The following IFT172 variants were observed in gnomAD, a reference collection of about 807,000 sequenced individuals.
IFT172 encodes the protein intraflagellar transport protein 172 homolog.
IFT172 carries 164 observed loss-of-function variants against 248.9 expected under a neutral mutation model. That is an observed-to-expected ratio of 0.66 (90% confidence interval 0.58 to 0.75). IFT172 has a LOEUF of 0.75. IFT172 is among the 30% of genes least tolerant of loss of function. IFT172 has a pLI of 0.00. For missense variants in IFT172, 1,950 were observed against 2,192.4 expected, an observed-to-expected ratio of 0.89 and a Z score of 2.21; for synonymous variants, 729 against 791.6, an observed-to-expected ratio of 0.92 and a Z score of 1.33.
intron 1 of IFT172, among the ~76,000 whole-genome samples, chr2:27,488,013 C>T (rs940128686): frequency 3.9e-5 from 6 of 152,092 alleles, no homozygotes; most frequent in African/African-American, 1.2e-4. Context: ...GACACAGCCT[C>T]ACTCTGTCAC....
At position 27,465,807 on chromosome 2, in the gene IFT172, A is replaced by G. The variant is rs1667049048; in HGVS notation, c.1768T>C (p.Tyr590His). The change falls in exon 17 of 48, where the codon TAC (tyrosine) becomes CAC (histidine). Residue 590 changes from tyrosine (Y) to histidine (H), a missense_variant. Around this residue, in one of 3 missense-constraint regions of IFT172, gnomAD observed 1,166 missense variants for 1,254.1 expected, o/e 0.93. Coordinates refer to ENST00000260570, the MANE Select transcript of IFT172 (RefSeq NM_015662.3). ...TCGATGAGGCCCTCATCCAATGTGT[A>G]GGCAACAGTAGTCACACCTTCCATC... is the stretch of plus-strand genomic sequence containing the variant. ...MVMEGVTTVA[Y>H]TLDEGLIEFG... The G allele has an allele frequency of 2.5e-6, 4 of 1,613,936 alleles. No individual in the cohort carries two copies. Among genetic ancestry groups the G allele is most frequent in the Admixed American group, 3.3e-5 (2 of 59,996 alleles).
intron 14 of IFT172, among the ~76,000 whole-genome samples, chr2:27,472,702 T>C (rs1390189867): frequency 2.0e-5 from 3 of 152,204 alleles, no homozygotes; most frequent in African/African-American, 7.2e-5. Context: ...TTGATGGTCA[T>C]ATGCTCTAAG....
rs1199924876 is a variant in IFT172 at position 27,476,983 on chromosome 2, C to T, written c.1325+234G>A. 4 of 591,276 alleles carry T rather than the reference C, an allele frequency of 6.8e-6. No individual in the cohort carries two copies. The African/African-American group carries it at 7.5e-5, about 11-fold the overall frequency. 36.6% of individuals were successfully genotyped at this position (591,276 alleles called of 1,614,324 possible). On this transcript the variant is annotated intron_variant, in intron 13 of 47. Coordinates refer to ENST00000260570, the MANE Select transcript of IFT172 (RefSeq NM_015662.3). ...GGACTACAGGGGTGTGCCACCATGC[C>T]TGGATAATTTTTTGTATTTTTAGTA...
At chr2:27,456,718 G>C (rs558208182) in intron 29 of IFT172, 65 bp from the exon 30 acceptor site, 9 of 1,566,452 alleles carry the variant, frequency 5.7e-6, no homozygotes, top group South Asian at 2.4e-5. Flanking sequence ...CTCTGACCTC[G>C]GCTTTGACAA....
At chr2:27,453,269 A>AATGATT (rs1665851731) in intron 35 of IFT172, 115 bp downstream of exon 35, 2 of 1,315,800 alleles carry the variant, frequency 1.5e-6, no homozygotes, top group Non-Finnish European at 2.2e-6. Context: ...GATTCCTGCT[A>AATGATT]CCTGATTGAA....
At chr2:27,450,291 T>C (rs557034042) in intron 35 of IFT172, among the ~76,000 whole-genome samples, 195 bp from the exon 36 acceptor site, 1 of 152,360 alleles carries the variant, frequency 6.6e-6, no homozygotes, top group African/African-American at 2.4e-5. Flanking sequence ...AGTGGACCTA[T>C]CTTTCCTCTC....
Position 27,458,180 on chromosome 2 carries a change from T to C in IFT172, c.2921A>G (p.Tyr974Cys), listed in dbSNP as rs1558374697. Reference protein sequence around the residue: ...CMRPEDVSVLYITQAQEMEKQ... With the variant: ...CMRPEDVSVLCITQAQEMEKQ... ...CTCCATTTCCTGGGCCTGAGTGATG[T>C]ATAGCACTGACACATCTTCTGGTCT... The change falls in exon 27 of 48, where the codon TAC becomes TGC. Residue 974 changes from tyrosine (Y) to cysteine (C), a missense_variant. Tyr to Cys is a radical substitution (Grantham distance 194). Around this residue, in one of 3 missense-constraint regions of IFT172, gnomAD observed 1,166 missense variants for 1,254.1 expected, o/e 0.93. Transcript: ENST00000260570. 1 of 1,614,130 alleles carries C rather than the reference T, an allele frequency of 6.2e-7. No individual in the cohort carries two copies.
rs1288986691 is a variant in IFT172 at position 27,482,799 on chromosome 2, C to G, written c.570+490G>C. On this transcript the variant is annotated intron_variant, in intron 7 of 47. Transcript: ENST00000260570. ...TTTATTTCCCTTTGTCTCAAGGTCC[C>G]TTTCACCTAATTCATCCCTTCTTAT... Among the ~76,000 whole-genome samples the G allele has an allele frequency of 3.3e-5, 5 of 151,974 alleles. No homozygotes were observed. The East Asian group carries it at 7.7e-4, about 23-fold the overall frequency.
chr2:27,473,633 C>T (rs903434611), intron 14 of IFT172, among the ~76,000 whole-genome samples: 9 of 151,544 alleles, frequency 5.9e-5, no homozygotes, highest in Non-Finnish European at 1.0e-4. Context: ...TTTAATGCCC[C>T]AATTATAAGT....
At chr2:27,461,231 C>G (rs1280976685) in intron 22 of IFT172, 38 bp downstream of exon 22, 1 of 1,612,976 alleles carries the variant, frequency 6.2e-7, no homozygotes, top group Admixed American at 1.7e-5. Flanking sequence ...GGGTCCTGAG[C>G]TCTGGAGATA....
intron 26 of IFT172, among the ~76,000 whole-genome samples, chr2:27,458,565 T>G (rs1666368728): frequency 6.6e-6 from 1 of 152,242 alleles, no homozygotes. Context: ...CAAGCCCATC[T>G]GCTCCTTCAG....
At chr2:27,456,842 C>T (rs959790802) in intron 29 of IFT172, among the ~76,000 whole-genome samples, 189 bp from the exon 30 acceptor site, 1 of 151,958 alleles carries the variant, frequency 6.6e-6, no homozygotes, top group East Asian at 1.9e-4. Flanking sequence ...GTCAGGAGTT[C>T]GAGACCAGCC....
Position 27,485,488 on chromosome 2 carries a change from C to T in IFT172, c.55G>A (p.Val19Met). Residue 19 changes from valine to methionine, a missense_variant, in exon 2 of 48, where the codon GTG becomes ATG. Val to Met is a conservative substitution (Grantham distance 21, BLOSUM62 1). Coordinates refer to ENST00000260570, the MANE Select transcript of IFT172 (RefSeq NM_015662.3). ...LLSPQDGAAK[V>M]TCMAWSQNNA... ...TTCTGGGACCAAGCCATGCAGGTCA[C>T]CTTTGCAGCTCCATCCTGTAGAGGC... 6.2e-7 allele frequency: 1 copy of T among 1,614,034 alleles called. No individual in the cohort carries two copies. The highest frequency in any genetic ancestry group is 8.5e-7 in the Non-Finnish European group (1 of 1,179,904).
chr2:27,448,005 A>G (rs1322000687), intron 40 of IFT172, 83 bp from the exon 41 acceptor site: 2 of 844,120 alleles, frequency 2.4e-6, no homozygotes, highest in Non-Finnish European at 4.1e-6. Context: ...AGGGAGGAGA[A>G]ACAGGCTTTG....
At position 27,460,967 on chromosome 2, in the gene IFT172, T is replaced by C. The variant is rs756776421; in HGVS notation, c.2521+48A>G. 7 of 1,612,068 alleles carry C rather than the reference T, an allele frequency of 4.3e-6. No homozygotes were observed. In the Admixed American group the frequency reaches 6.7e-5, roughly 15 times the overall value. ...CTACAAGAGGTGCCAGGGAACCAGA[T>C]GGGCAAGAGTCCACAACAGTAAAGG... On this transcript the variant is annotated intron_variant, in intron 23 of 47. Transcript: ENST00000260570.
intron 11 of IFT172, 40 bp from the exon 12 acceptor site, chr2:27,477,652 A>G (rs1368736719): frequency 7.5e-7 from 1 of 1,327,334 alleles, no homozygotes; most frequent in Non-Finnish European, 1.1e-6. Flanking sequence ...GTGGATAAAT[A>G]CCCAAGATAA....
At chr2:27,453,278 AAAAG>A (rs570670095) in intron 35 of IFT172, 102 bp downstream of exon 35, 35 of 1,423,280 alleles carry the variant, frequency 2.5e-5, no homozygotes, top group Non-Finnish European at 3.5e-5. Flanking sequence ...TACCTGATTG[AAAAG>A]AAAAAGACAC....
At position 27,445,867 on chromosome 2, in the gene IFT172, A is replaced by C. The variant is rs1665034267; in HGVS notation, c.4816-24T>G. The C allele has an allele frequency of 6.2e-7, 1 of 1,614,192 alleles. No homozygotes were observed. The highest frequency in any genetic ancestry group is 1.3e-5 in the African/African-American group (1 of 75,044). ...GCCTGCAGTAGAGTGGGCAACCATGAACTAGGCACAGCTCGCGACTGGCAA... is the reference window on the plus strand; with the variant it reads ...GCCTGCAGTAGAGTGGGCAACCATGCACTAGGCACAGCTCGCGACTGGCAA... On this transcript the variant is annotated intron_variant, in intron 44 of 47. Transcript: ENST00000260570. This position sits in a 1 kb window ranked among gnomAD's most constrained non-coding sequence, Gnocchi z 4.4.
At chr2:27,485,828 T>C (rs959033792) in intron 1 of IFT172, among the ~76,000 whole-genome samples, 3 of 152,342 alleles carry the variant, frequency 2.0e-5, no homozygotes, top group South Asian at 4.1e-4. Flanking sequence ...TAAGTTTTGG[T>C]CATTAGCCAT....
Sources: allele counts gnomAD v4.1 joint callset (sites outside exome capture counted in the v4.1 genomes callset), GRCh38; gene constraint gnomAD v4.1.1; regional missense constraint gnomAD v4.1.1; non-coding constraint Gnocchi (gnomAD v3.1); transcripts MANE v1.5; gene names NCBI Gene and HGNC (gene_info 2026-07-23, HGNC 2026-07-21).